Variants in CLASP1 observed in about 807,000 individuals in gnomAD.
The protein encoded by CLASP1 is CLIP-associating protein 1.
Under a neutral mutation model 192.3 loss-of-function variants are expected in CLASP1, and 38 were observed. The ratio of observed to expected loss-of-function variants is 0.20; its 90% CI spans 0.15 to 0.26. The LOEUF (loss-of-function observed/expected upper bound fraction) is 0.26. Among genes scored for constraint, CLASP1 ranks in the 10% least tolerant of loss-of-function variants. The pLI is 1.00. For synonymous variants in CLASP1, 691 were observed against 712.8 expected, an observed-to-expected ratio of 0.97 and a Z score of 0.49; for missense variants, 1,433 against 1,932.5, an observed-to-expected ratio of 0.74 and a Z score of 4.85.
At chr2:121,366,147 CCTTTT>C (rs1238939971) in intron 35 of CLASP1, among the ~76,000 whole-genome samples, 1 of 152,230 alleles carries the variant, frequency 6.6e-6, no homozygotes, top group Non-Finnish European at 1.5e-5. Flanking sequence ...ATCTTTTCCT[CCTTTT>C]CTTTAAGCCT....
chr2:121,384,740 G>C (rs1033853280), intron 32 of CLASP1, among the ~76,000 whole-genome samples: 1 of 152,110 alleles, frequency 6.6e-6, no homozygotes, highest in African/African-American at 2.4e-5. Flanking sequence ...AATTAGCTGG[G>C]CGTGGTGGTG....
chr2:121,398,750 C>G (rs372490962), intron 28 of CLASP1, among the ~76,000 whole-genome samples: 1 of 152,320 alleles, frequency 6.6e-6, no homozygotes, highest in South Asian at 2.1e-4. Context: ...ATAAAAATCA[C>G]TTCTGATACC....
At chr2:121,531,628 G>C (rs1355561204) in intron 2 of CLASP1, among the ~76,000 whole-genome samples, 2 of 150,728 alleles carry the variant, frequency 1.3e-5, no homozygotes, top group Admixed American at 1.3e-4. Context: ...CCAGCACTTG[G>C]GGAGGCCGAG....
At chr2:121,500,292 GAA>G (rs1457397264) in intron 8 of CLASP1, among the ~76,000 whole-genome samples, 7 of 149,104 alleles carry the variant, frequency 4.7e-5, no homozygotes, top group African/African-American at 1.7e-4. Context: ...GGGAGAGAGA[GAA>G]AGAGGGAGAG....
intron 8 of CLASP1, among the ~76,000 whole-genome samples, chr2:121,478,640 C>T (rs1575264288): frequency 1.7e-5 from 2 of 117,644 alleles, no homozygotes; most frequent in South Asian, 5.8e-4. Context: ...TACACACACA[C>T]ACACCCCCCA....
At chr2:121,612,107 T>A (rs1399246803) in intron 1 of CLASP1, among the ~76,000 whole-genome samples, 48 of 57,666 alleles carry the variant, frequency 8.3e-4, no homozygotes, top group Admixed American at 1.5e-3. Context: ...AAAGAGGAAC[T>A]GGAGGAGGAG....
chr2:121,370,469 G>C (rs867124111), intron 34 of CLASP1, among the ~76,000 whole-genome samples: 1 of 152,188 alleles, frequency 6.6e-6, no homozygotes, highest in Non-Finnish European at 1.5e-5. Context: ...GGGATTACAG[G>C]CATGTGCCAC....
intron 39 of CLASP1, 118 bp downstream of exon 40, chr2:121,346,920 G>T: frequency 1.6e-6 from 1 of 617,614 alleles, no homozygotes; most frequent in Non-Finnish European, 2.9e-6. Context: ...GAGAAATAAG[G>T]CCCAGCTAAA....
intron 25 of CLASP1, among the ~76,000 whole-genome samples, chr2:121,406,546 A>C (rs1171165472): frequency 1.3e-5 from 2 of 152,220 alleles, no homozygotes; most frequent in African/African-American, 4.8e-5. Flanking sequence ...TCTACTGGAC[A>C]AATATCAAAC....
chr2:121,453,543 C>T (rs2086002812), intron 14 of CLASP1, among the ~76,000 whole-genome samples: 1 of 152,208 alleles, frequency 6.6e-6, no homozygotes, highest in South Asian at 2.1e-4. Context: ...ACACACATTC[C>T]TCACCATCAC....
intron 39 of CLASP1, among the ~76,000 whole-genome samples, chr2:121,343,170 A>G (rs1399279261): frequency 6.6e-6 from 1 of 152,250 alleles, no homozygotes; most frequent in African/African-American, 2.4e-5. Flanking sequence ...ACCCATCCTC[A>G]TCTCATAGAG....
intron 9 of CLASP1, among the ~76,000 whole-genome samples, chr2:121,463,766 T>C (rs1000099927): frequency 2.0e-5 from 3 of 152,158 alleles, no homozygotes; most frequent in Non-Finnish European, 4.4e-5. Context: ...GTGCATAATC[T>C]ACACAGCAGG....
chr2:121,365,028 T>C (rs969825850), intron 36 of CLASP1, 66 bp downstream of exon 37: 3 of 1,441,234 alleles, frequency 2.1e-6, no homozygotes, highest in Non-Finnish European at 2.9e-6. Context: ...CTAAGCCCAA[T>C]AAGAAAAGGA....
chr2:121,357,598 C>T (rs1363491858), intron 37 of CLASP1, among the ~76,000 whole-genome samples: 2 of 152,164 alleles, frequency 1.3e-5, no homozygotes, highest in African/African-American at 4.8e-5. Flanking sequence ...GGGCAGGTGT[C>T]ACATCTGGCT....
intron 8 of CLASP1, among the ~76,000 whole-genome samples, chr2:121,485,939 C>T (rs1043745388): frequency 5.3e-5 from 8 of 152,116 alleles, no homozygotes; most frequent in African/African-American, 1.9e-4. Flanking sequence ...CTTAGGAAAG[C>T]GAATTCCTAG....
intron 18 of CLASP1, 119 bp from the exon 19 acceptor site, chr2:121,447,626 G>C: frequency 1.1e-6 from 1 of 888,316 alleles, no homozygotes; most frequent in African/African-American, 1.7e-5. Flanking sequence ...ACAAATGCTG[G>C]AGCATAAAAA....
At chr2:121,603,439 G>A (rs1238541582) in intron 2 of CLASP1, among the ~76,000 whole-genome samples, 1 of 152,136 alleles carries the variant, frequency 6.6e-6, no homozygotes, top group East Asian at 1.9e-4. Flanking sequence ...TGCTGATGAG[G>A]ATGTAGCAGA....
intron 8 of CLASP1, among the ~76,000 whole-genome samples, chr2:121,474,434 G>A (rs2091311200): frequency 6.6e-6 from 1 of 152,124 alleles, no homozygotes; most frequent in South Asian, 2.1e-4. Context: ...ATGTAATGCT[G>A]CCCAAAGAAG....
chr2:121,519,406 G>C (rs2094405135), intron 6 of CLASP1, among the ~76,000 whole-genome samples: 1 of 152,154 alleles, frequency 6.6e-6, no homozygotes, highest in Admixed American at 6.5e-5. Context: ...GACAGAAGAG[G>C]GATAAGGTGC....
Sources: gnomAD v4.1 joint callset for allele counts (sites outside exome capture counted in the v4.1 genomes callset) on GRCh38, gnomAD v4.1.1 for gene constraint, MANE v1.5 for transcripts, NCBI Gene and HGNC (gene_info 2026-07-23, HGNC 2026-07-21) for gene names.